Variants in HNRNPL observed in about 807,000 individuals in gnomAD.
HNRNPL encodes epididymis secretory sperm binding protein.
A neutral mutation model predicts 64.0 loss-of-function variants in HNRNPL; 12 were observed. The observed-to-expected ratio is 0.19, with a 90% CI of 0.12 to 0.30. The LOEUF (loss-of-function observed/expected upper bound fraction) is 0.30, where lower values mean the gene tolerates loss of function less well. HNRNPL is among the 10% of genes least tolerant of loss of function. The probability of loss-of-function intolerance (pLI) is 1.00; values close to 1 mark genes in which losing one functional copy is unlikely to be tolerated. For synonymous variants in HNRNPL, 385 were observed against 313.0 expected (o/e 1.23, Z -2.43); for missense variants, 484 against 797.4 (o/e 0.61, Z 4.73).
chr19:38,840,653 T>G (rs561817674), intron 6 of HNRNPL, 94 bp from the exon 7 acceptor site: 1 of 1,021,182 alleles, frequency 9.8e-7, no homozygotes, highest in African/African-American at 1.6e-5. Context: ...CCCCAGCTCC[T>G]GCCAACTGCA....
chr19:38,838,621 G>C, intron 9 of HNRNPL, 23 bp from the exon 10 acceptor site: 1 of 1,606,034 alleles, frequency 6.2e-7, no homozygotes. Context: ...AGAAAGGGGA[G>C]CCTTTGTCAT....
At chr19:38,849,448 A>C in intron 1 of HNRNPL, 4 of 380,802 alleles carry the variant, frequency 1.1e-5, no homozygotes, top group South Asian at 1.3e-4. Flanking sequence ...GCGCCTGCGC[A>C]CTGGGCCATT....
In HNRNPL at chr19:38,837,460, T is replaced by C. The variant is rs1286779792; in HGVS notation, c.1635A>G (p.Gly545=). The C allele has an allele frequency of 6.2e-7, 1 of 1,614,144 alleles. No homozygotes were observed. The highest frequency in any genetic ancestry group is 8.5e-7 in the Non-Finnish European group (1 of 1,180,002). ...CGCTCTTGGATTCCCACTCCAGCAG[T>C]CCAGAGGAGCTGCGCTCACCTGATT... ...FSGKSERSSS[G]LLEWESKSDA... The change falls in exon 12 of 13, where the codon GGA becomes GGG. Residue 545 remains glycine (G), a synonymous_variant. Coordinates refer to ENST00000221419, the MANE Select transcript of HNRNPL (RefSeq NM_001533.3).
intron 10 of HNRNPL, 42 bp from the exon 11 acceptor site, chr19:38,837,693 G>A (rs761990087): frequency 3.2e-5 from 51 of 1,572,268 alleles, no homozygotes; most frequent in South Asian, 2.3e-4. Context: ...TGAAACAAAA[G>A]GGCCGCCACA....
At chr19:38,852,179 G>C (rs1375002084), upstream of HNRNPL, 1 of 144,244 alleles carries the variant, frequency 6.9e-6, no homozygotes, top group Non-Finnish European at 1.5e-5. Context: ...CACCCCCCGC[G>C]CTCCCGGCCA....
chr19:38,847,661 G>T, intron 1 of HNRNPL: 1 of 315,750 alleles, frequency 3.2e-6, no homozygotes, highest in Non-Finnish European at 5.8e-6. Flanking sequence ...GGCTCTTGCT[G>T]TAGCTTCTGA....
intron 6 of HNRNPL, chr19:38,841,767 A>G (rs377069481): frequency 3.3e-5 from 18 of 553,240 alleles, no homozygotes; most frequent in East Asian, 2.0e-4. Context: ...TTAAAAGTCA[A>G]TATTTTGATT....
chr19:38,843,932 G>C lies in HNRNPL; in HGVS notation c.808-18C>G. ...CGTGTAGGCTGCAAGGACAGGACAA[G>C]ACAAGACTTGAGGTCAGCCATGCCC... On this transcript the variant is annotated intron_variant, in intron 5 of 12. Coordinates refer to ENST00000221419, the MANE Select transcript of HNRNPL (RefSeq NM_001533.3). The C allele has an allele frequency of 1.2e-6, 2 of 1,613,802 alleles. No homozygotes were observed. The highest frequency in any genetic ancestry group is 1.7e-6 in the Non-Finnish European group (2 of 1,179,650).
At chr19:38,845,257 C>T (rs1275136027) in intron 4 of HNRNPL, 9 of 143,578 alleles carry the variant, frequency 6.3e-5, no homozygotes, top group Non-Finnish European at 4.6e-5. Flanking sequence ...CGCCTATAAT[C>T]CTACTAGGAA....
upstream of HNRNPL, among the ~76,000 whole-genome samples, chr19:38,852,047 T>G (rs1046400215): frequency 7.0e-6 from 1 of 142,104 alleles, no homozygotes; most frequent in Admixed American, 6.9e-5. Flanking sequence ...AGAGGGCCCC[T>G]CCCCTCCCCG....
rs755475850 is a variant in HNRNPL at position 38,838,532 on chromosome 19, G to A, written c.1422C>T (p.Tyr474=). 3.1e-6 allele frequency: 5 copies of A among 1,614,156 alleles called. No individual in the cohort carries two copies. The Middle Eastern group carries it at 4.9e-4, about 160-fold the overall frequency. ...TGTTCCGGGATTCACTGAAGTCTTTGTAACTGCAAGACCCGTCTTCCAACC... is the reference window on the plus strand; with the variant it reads ...TGTTCCGGGATTCACTGAAGTCTTTATAACTGCAAGACCCGTCTTCCAACC... ...SYGLEDGSCS[Y]KDFSESRNNR... The change falls in exon 10 of 13, where the codon TAC becomes TAT. Residue 474 remains tyrosine, a synonymous_variant. Transcript: ENST00000221419.
In HNRNPL at chr19:38,849,760, C is replaced by A; in HGVS notation, c.207G>T (p.Gln69His). The change falls in exon 1 of 13, where the codon CAG becomes CAT. Residue 69 changes from glutamine to histidine, a missense_variant. This residue lies in a region of HNRNPL where 190 missense variants were observed against 160.1 expected (regional missense o/e 1.19). Coordinates refer to ENST00000221419, the MANE Select transcript of HNRNPL (RefSeq NM_001533.3). ...KRLKTDNAGD[Q>H]HGGGGGGGGG... Reference sequence around the variant, plus strand: ...CACCGCCACCGCCGCCGCCTCCGTGCTGGTCGCCGGCGTTGTCAGTCTTGA... The same window carrying A: ...CACCGCCACCGCCGCCGCCTCCGTGATGGTCGCCGGCGTTGTCAGTCTTGA... The A allele has an allele frequency of 7.0e-7, 1 of 1,421,406 alleles. No individual in the cohort carries two copies. 88.0% of individuals were successfully genotyped at this position (1,421,406 alleles called of 1,614,324 possible).
chr19:38,838,746 T>C lies in HNRNPL; in HGVS notation c.1355+148A>G, dbSNP rs933088402. The C allele has an allele frequency of 3.7e-5, 49 of 1,308,610 alleles. 1 individual carries two copies. In the African/African-American group the frequency reaches 6.1e-4, roughly 16 times the overall value. The allele number at this position is 1,308,610 out of a possible 1,614,324, so 81.1% of individuals were successfully genotyped here. A position where few individuals can be genotyped will look rare whatever the true frequency, so the allele number is the denominator to read the frequency against. The stretch of plus-strand genomic sequence containing the variant: ...AAGGCTGACTCACTTTCTCCTGTGG[T>C]GTCAGAGACACGTCTGGGAACACAC... On this transcript the variant is annotated intron_variant, in intron 9 of 12. Coordinates refer to ENST00000221419, the MANE Select transcript of HNRNPL (RefSeq NM_001533.3).
intron 2 of HNRNPL, among the ~76,000 whole-genome samples, chr19:38,846,631 G>A (rs542630176): frequency 1.6e-4 from 24 of 152,236 alleles, no homozygotes; most frequent in African/African-American, 4.8e-4. Context: ...AAATTAGGCC[G>A]GGCGCAGTGG....
At position 38,846,190 on chromosome 19, in the gene HNRNPL, ACTC is replaced by A. The variant is rs1246173521; in HGVS notation, c.387-103_387-101del. On this transcript the variant is annotated intron_variant, in intron 2 of 12. Coordinates refer to ENST00000221419, the MANE Select transcript of HNRNPL (RefSeq NM_001533.3). The stretch of plus-strand genomic sequence containing the variant: ...GAACTGACTCCTCCATGGCCTCTGA[ACTC>A]CTCTGCAACCCTATCATGGTTCCCC... The A allele has an allele frequency of 3.4e-6, 3 of 872,716 alleles. No individual in the cohort carries two copies. In the Admixed American group the frequency reaches 5.2e-5, roughly 15 times the overall value. The allele number at this position is 872,716 out of a possible 1,614,324, so 54.1% of individuals were successfully genotyped here. A position where few individuals can be genotyped will look rare whatever the true frequency, so the allele number is the denominator to read the frequency against.
Position 38,849,703 on chromosome 19 carries a change from A to ACCG in HNRNPL, c.261_263dup (p.Gly89dup), listed in dbSNP as rs911771296. 79 of 1,356,690 alleles carry ACCG rather than the reference A, an allele frequency of 5.8e-5. No homozygotes were observed. Among genetic ancestry groups the ACCG allele is most frequent in the Middle Eastern group, 2.7e-4 (1 of 3,656 alleles). The allele number at this position is 1,356,690 out of a possible 1,614,324, so 84.0% of individuals were successfully genotyped here. A position where few individuals can be genotyped will look rare whatever the true frequency, so the allele number is the denominator to read the frequency against. ...GCGCCTAGGGCCCTGGCCTCACCCC[A>ACCG]CCGCCGCCGCCGCCCGCCGCCCCGG... On this transcript the variant is annotated inframe_insertion, in exon 1 of 13. Coordinates refer to ENST00000221419, the MANE Select transcript of HNRNPL (RefSeq NM_001533.3).
chr19:38,847,417 C>G lies in HNRNPL; in HGVS notation c.285G>C (p.Pro95=). The change falls in exon 2 of 13, where the codon CCG becomes CCC. Residue 95 remains proline (P), a synonymous_variant. Coordinates refer to ENST00000221419, the MANE Select transcript of HNRNPL (RefSeq NM_001533.3). ...GGGGGENYDD[P]HKTPASPVVH... ...CAACTGGGGAGGCAGGGGTTTTGTG[C>G]GGGTCATCGTAGTTCTCCTGAGAAA... 1 of 1,532,474 alleles carries G rather than the reference C, an allele frequency of 6.5e-7. No homozygotes were observed. Among genetic ancestry groups the G allele is most frequent in the Admixed American group, 2.2e-5 (1 of 46,322 alleles). The allele number at this position is 1,532,474 out of a possible 1,614,324, so 94.9% of individuals were successfully genotyped here.
intron 6 of HNRNPL, 56 bp downstream of exon 6, chr19:38,843,786 C>T (rs1972192597): frequency 2.8e-6 from 4 of 1,421,598 alleles, no homozygotes; most frequent in African/African-American, 1.4e-5. Context: ...ATTAAGTGCA[C>T]TAGTCGAGTG....
chr19:38,837,263 G>A (rs1971959416), intron 12 of HNRNPL, 121 bp downstream of exon 12: 1 of 756,394 alleles, frequency 1.3e-6, no homozygotes, highest in East Asian at 2.6e-5. Context: ...ACCTGCCTGT[G>A]TCACCAACAG....
Sources: gnomAD v4.1 joint callset for allele counts (sites outside exome capture counted in the v4.1 genomes callset) on GRCh38, gnomAD v4.1.1 for gene constraint, gnomAD v4.1.1 regional missense constraint, MANE v1.5 for transcripts, NCBI Gene and HGNC (gene_info 2026-07-23, HGNC 2026-07-21) for gene names.